SDK2: variants seen among roughly 807,000 people sequenced by gnomAD.
SDK2 encodes the protein protein sidekick-2.
Under a neutral mutation model 253.9 loss-of-function variants are expected in SDK2, and 105 were observed. The ratio of observed to expected loss-of-function variants is 0.41; its 90% CI spans 0.35 to 0.49. The LOEUF (loss-of-function observed/expected upper bound fraction) is 0.49. Ranked by LOEUF, SDK2 falls within the 20% of genes least tolerant of loss-of-function variation. The pLI, the probability that SDK2 is intolerant of heterozygous loss-of-function variation, is 0.06. For synonymous variants in SDK2, 1,249 were observed against 1,234.9 expected (o/e 1.01, Z -0.24); for missense variants, 2,608 against 3,003.0 (o/e 0.87, Z 3.07).
chr17:73,548,447 A>G (rs564361841), intron 1 of SDK2, among the ~76,000 whole-genome samples: 1 of 152,272 alleles, frequency 6.6e-6, no homozygotes, highest in East Asian at 1.9e-4. Context: ...CTGCTCTCTA[A>G]GCTCCCCCTG....
At position 73,642,773 on chromosome 17, in the gene SDK2, C is replaced by T. The variant is rs900863607; in HGVS notation, c.64+1252G>A. On this transcript the variant is annotated intron_variant, in intron 1 of 44. Coordinates refer to ENST00000392650, the MANE Select transcript of SDK2 (RefSeq NM_001144952.2). The surrounding 1 kb of genome is among the most constrained non-coding windows in gnomAD (Gnocchi z 4.7). The stretch of plus-strand genomic sequence containing the variant: ...TTTATTACCCTACATTTATAGGGCT[C>T]GTTACAAAATTTCGAAGTGCTTTTA... 3.3e-5 allele frequency among the ~76,000 whole-genome samples: 5 copies of T among 152,158 alleles called. No individual in the cohort carries two copies. The highest frequency in any genetic ancestry group is 6.5e-5 in the Admixed American group (1 of 15,286).
chr17:73,514,773 C>A (rs546616176), intron 1 of SDK2, among the ~76,000 whole-genome samples: 2 of 152,316 alleles, frequency 1.3e-5, no homozygotes, highest in African/African-American at 4.8e-5. Flanking sequence ...TGCTTGGAAA[C>A]AGGGTGGGAG....
At position 73,455,847 on chromosome 17, in the gene SDK2, C is replaced by T. The variant is rs1033344306; in HGVS notation, c.479+59G>A. The T allele has an allele frequency of 3.4e-6, 5 of 1,489,084 alleles. No homozygotes were observed. The highest frequency in any genetic ancestry group is 1.4e-5 in the African/African-American group (1 of 71,616). The allele number at this position is 1,489,084 out of a possible 1,614,324, so 92.2% of individuals were successfully genotyped here. A position where few individuals can be genotyped will look rare whatever the true frequency, so the allele number is the denominator to read the frequency against. Reference sequence around the variant, plus strand: ...CACTCAAGGGAGACTTTATCTGGCCCCAAACCTCCTCCCCCAGACACCCCT... The same window carrying T: ...CACTCAAGGGAGACTTTATCTGGCCTCAAACCTCCTCCCCCAGACACCCCT... On this transcript the variant is annotated intron_variant, in intron 4 of 44. Coordinates refer to ENST00000392650, the MANE Select transcript of SDK2 (RefSeq NM_001144952.2). This position sits in a 1 kb window ranked among gnomAD's most constrained non-coding sequence, Gnocchi z 5.0.
chr17:73,472,233 A>G lies in SDK2; in HGVS notation c.225-15T>C. On this transcript the variant is annotated splice_polypyrimidine_tract_variant and intron_variant, in intron 2 of 44. Coordinates refer to ENST00000392650, the MANE Select transcript of SDK2 (RefSeq NM_001144952.2). The stretch of plus-strand genomic sequence containing the variant: ...TGATCATGTATCTATGGGACAGACG[A>G]GACAGCCAGTGAGCAAGTCAGGCAG... 1 of 1,544,822 alleles carries G rather than the reference A, an allele frequency of 6.5e-7. No homozygotes were observed. The highest frequency in any genetic ancestry group is 1.2e-5 in the South Asian group (1 of 83,908).
chr17:73,608,839 C>T (rs1334514813), intron 1 of SDK2, among the ~76,000 whole-genome samples: 1 of 152,182 alleles, frequency 6.6e-6, no homozygotes, highest in Non-Finnish European at 1.5e-5. Flanking sequence ...TTTAAAGGAT[C>T]ACCGTGGCTA....
chr17:73,497,400 A>G (rs146673653), intron 2 of SDK2, among the ~76,000 whole-genome samples: 53 of 152,088 alleles, frequency 3.5e-4, no homozygotes, highest in South Asian at 2.1e-3. Flanking sequence ...CTCTGATGCT[A>G]TGTTCATTCT....
intron 38 of SDK2, among the ~76,000 whole-genome samples, chr17:73,364,946 C>T (rs2062671261): frequency 6.6e-6 from 1 of 152,128 alleles, no homozygotes; most frequent in Non-Finnish European, 1.5e-5. Context: ...ATGGTCTCAA[C>T]AGAGCCCTGT....
At chr17:73,444,288 G>A (rs1325487999) in intron 5 of SDK2, among the ~76,000 whole-genome samples, 3 of 152,190 alleles carry the variant, frequency 2.0e-5, no homozygotes, top group Admixed American at 6.5e-5. Flanking sequence ...GGGAGACAGC[G>A]GGAGTTGAGT....
Position 73,433,756 on chromosome 17 carries a change from G to A in SDK2, c.1288C>T (p.Arg430Ter), listed in dbSNP as rs1483800628. The change falls in exon 10 of 45, where the codon CGA (arginine) becomes TGA (stop). Residue 430 changes from arginine to a stop codon, truncating the protein, a stop_gained. Coordinates refer to ENST00000392650, the MANE Select transcript of SDK2 (RefSeq NM_001144952.2). LOFTEE classifies it high-confidence loss of function. ...VLACETSGAP[R>*]PAITWQKGER... ...CCTTTCTGCCAAGTGATAGCTGGTC[G>A]GGGCGCCCCCGAGGTCTCACATGCT... 3 of 1,607,646 alleles carry A rather than the reference G, an allele frequency of 1.9e-6. No individual in the cohort carries two copies. The highest frequency in any genetic ancestry group is 2.7e-5 in the African/African-American group (2 of 74,856).
chr17:73,522,603 G>C (rs2064090544), intron 1 of SDK2, among the ~76,000 whole-genome samples: 1 of 152,224 alleles, frequency 6.6e-6, no homozygotes, highest in Non-Finnish European at 1.5e-5. Flanking sequence ...ATGGTATGTG[G>C]ACTCTGCTAC....
chr17:73,480,885 G>T (rs1351577164), intron 2 of SDK2, among the ~76,000 whole-genome samples: 1 of 152,204 alleles, frequency 6.6e-6, no homozygotes, highest in Admixed American at 6.5e-5. Context: ...GACAGCCAGG[G>T]CACCTCAGGA....
intron 2 of SDK2, among the ~76,000 whole-genome samples, chr17:73,475,344 G>A (rs2063678841): frequency 6.6e-6 from 1 of 152,126 alleles, no homozygotes; most frequent in South Asian, 2.1e-4. Context: ...TAGAGATGGG[G>A]TTTCACCATG....
At position 73,385,937 on chromosome 17, in the gene SDK2, G is replaced by GGT; in HGVS notation, c.4499-22_4499-21dup. On this transcript the variant is annotated intron_variant, in intron 31 of 44. Transcript: ENST00000392650. ...CGGGGGCTGTGGAGAGAAGCAGACA[G>GGT]GTGGGTTCTGGGGGCCGCAGCTTCA... The GGT allele has an allele frequency of 6.3e-7, 1 of 1,579,420 alleles. No individual in the cohort carries two copies. Among genetic ancestry groups the GGT allele is most frequent in the Non-Finnish European group, 8.6e-7 (1 of 1,161,498 alleles).
At chr17:73,505,299 G>T (rs993032203) in intron 2 of SDK2, among the ~76,000 whole-genome samples, 3 of 152,130 alleles carry the variant, frequency 2.0e-5, no homozygotes, top group Non-Finnish European at 4.4e-5. Flanking sequence ...CTGACTTTAG[G>T]TGATGTCTTT....
intron 1 of SDK2, among the ~76,000 whole-genome samples, chr17:73,588,949 C>T (rs116186632): frequency 0.015 from 2,294 of 152,364 alleles, 67 homozygotes; most frequent in African/African-American, 0.052. Flanking sequence ...GCCACTAATC[C>T]GTGATCTCAC....
intron 2 of SDK2, among the ~76,000 whole-genome samples, chr17:73,486,866 T>G (rs6501643): frequency 0.42 from 63,282 of 151,932 alleles, 13,404 homozygotes; most frequent in East Asian, 0.53. Context: ...CAGCATCTGT[T>G]GAGGATGAGT....
intron 36 of SDK2, among the ~76,000 whole-genome samples, chr17:73,376,725 G>A (rs1456351673): frequency 2.0e-5 from 3 of 152,134 alleles, no homozygotes; most frequent in Admixed American, 6.5e-5. Flanking sequence ...TGCTGCTGGC[G>A]CTGCCCTGGC....
At chr17:73,345,582 G>A (rs1003583190) in intron 44 of SDK2, among the ~76,000 whole-genome samples, 1 of 152,168 alleles carries the variant, frequency 6.6e-6, no homozygotes, top group African/African-American at 2.4e-5. Context: ...ATCAAGGAAT[G>A]AATGAATGAG....
intron 3 of SDK2, among the ~76,000 whole-genome samples, chr17:73,462,205 A>G (rs377385279): frequency 1.3e-5 from 2 of 151,858 alleles, no homozygotes; most frequent in Non-Finnish European, 2.9e-5. Flanking sequence ...GTATGTATGT[A>G]CAAGTGTCTA....
Sources: gnomAD v4.1 joint callset for allele counts (sites outside exome capture counted in the v4.1 genomes callset) on GRCh38, gnomAD v4.1.1 for gene constraint, Gnocchi (gnomAD v3.1) non-coding constraint, MANE v1.5 for transcripts, NCBI Gene and HGNC (gene_info 2026-07-23, HGNC 2026-07-21) for gene names.